The following PAM variants were observed in gnomAD, a reference collection of about 807,000 sequenced individuals.
PAM encodes the protein peptidyl-glycine alpha-amidating monooxygenase.
PAM carries 72 observed loss-of-function variants against 122.1 expected under a neutral mutation model. That is an observed-to-expected ratio of 0.59 (90% CI 0.49 to 0.72). The LOEUF is 0.72. Among genes scored for constraint, PAM ranks in the 30% least tolerant of loss-of-function variants. The pLI, the probability that PAM is intolerant of heterozygous loss-of-function variation, is 0.00. For missense variants in PAM, 1,106 were observed against 1,183.7 expected (o/e 0.93, Z 0.96); for synonymous variants, 389 against 404.4 (o/e 0.96, Z 0.46).
intron 3 of PAM, among the ~76,000 whole-genome samples, chr5:102,878,461 T>C (rs952466602): frequency 3.3e-5 from 5 of 152,188 alleles, no homozygotes; most frequent in Admixed American, 2.6e-4. Context: ...TATACTATAC[T>C]TTTTATCATT....
At chr5:102,863,880 T>G (rs1290644088) in intron 1 of PAM, among the ~76,000 whole-genome samples, 1 of 151,240 alleles carries the variant, frequency 6.6e-6, no homozygotes, top group African/African-American at 2.4e-5. Flanking sequence ...TATAAGACCT[T>G]TTGTTCTATT....
chr5:102,809,869 T>C (rs1767398749), intron 1 of PAM, among the ~76,000 whole-genome samples: 4 of 152,226 alleles, frequency 2.6e-5, no homozygotes. Flanking sequence ...ACTTCATTTC[T>C]TCACTATTTT....
chr5:102,868,298 GT>G (rs1262709008), intron 3 of PAM, among the ~76,000 whole-genome samples: 1 of 151,862 alleles, frequency 6.6e-6, no homozygotes, highest in Non-Finnish European at 1.5e-5. Flanking sequence ...TAAAGTATTC[GT>G]ATTCTACTTA....
chr5:102,784,775 C>T (rs1760042375), intron 1 of PAM, among the ~76,000 whole-genome samples: 2 of 152,158 alleles, frequency 1.3e-5, no homozygotes, highest in Non-Finnish European at 2.9e-5. Context: ...CACACAAAAT[C>T]ATTTGGGAAT....
At chr5:102,849,206 A>G (rs763034249) in intron 1 of PAM, among the ~76,000 whole-genome samples, 2 of 152,160 alleles carry the variant, frequency 1.3e-5, no homozygotes, top group Non-Finnish European at 2.9e-5. Flanking sequence ...TATAGCTAAA[A>G]TAAAGATATT....
intron 15 of PAM, among the ~76,000 whole-genome samples, chr5:102,978,676 T>G (rs1401750882): frequency 2.0e-5 from 3 of 152,150 alleles, no homozygotes; most frequent in Admixed American, 2.0e-4. Flanking sequence ...CATTTAGTTT[T>G]TTCTTCATTT....
intron 1 of PAM, among the ~76,000 whole-genome samples, chr5:102,758,205 C>A (rs1192140782): frequency 6.9e-6 from 1 of 145,932 alleles, no homozygotes; most frequent in Non-Finnish European, 1.5e-5. Context: ...TCAGTGACAT[C>A]TCTGATTCTT....
intron 1 of PAM, among the ~76,000 whole-genome samples, chr5:102,856,615 C>A (rs1237010388): frequency 1.3e-5 from 2 of 151,946 alleles, no homozygotes; most frequent in African/African-American, 4.8e-5. Context: ...TGTTATTTTC[C>A]CCGTGGAAGT....
Position 102,959,904 on chromosome 5 carries a change from T to C in PAM, c.935T>C (p.Leu312Ser). ...GGTSSDEMCN[L>S]YIMYYMEAKH... is the part of the protein sequence containing the mutation. ...ACGTCTAGTGATGAAATGTGCAACT[T>C]ATACATTATGTATTACATGGAAGCC... Residue 312 changes from leucine to serine, a missense_variant, in exon 13 of 26, where the codon TTA becomes TCA. Leu to Ser is a moderately radical substitution (Grantham distance 145, BLOSUM62 -2). Around this residue, in one of 3 missense-constraint regions of PAM, gnomAD observed 670 missense variants for 690.3 expected, o/e 0.97. Transcript: ENST00000438793. 1 of 1,612,584 alleles carries C rather than the reference T, an allele frequency of 6.2e-7. No individual in the cohort carries two copies. The highest frequency in any genetic ancestry group is 8.5e-7 in the Non-Finnish European group (1 of 1,178,918).
At chr5:102,986,077 A>G (rs1193087523) in intron 15 of PAM, among the ~76,000 whole-genome samples, 16 of 152,194 alleles carry the variant, frequency 1.1e-4, no homozygotes, top group Admixed American at 9.8e-4. Context: ...CCTAGAAGGA[A>G]TATACTTCTA....
At chr5:103,020,236 G>A (rs1783192671) in intron 23 of PAM, among the ~76,000 whole-genome samples, 1 of 152,112 alleles carries the variant, frequency 6.6e-6, no homozygotes, top group Non-Finnish European at 1.5e-5. Context: ...ATAAAGGAGT[G>A]AAAAATATCT....
At chr5:102,889,754 C>A (rs1220933872) in intron 3 of PAM, among the ~76,000 whole-genome samples, 1 of 151,842 alleles carries the variant, frequency 6.6e-6, no homozygotes, top group Non-Finnish European at 1.5e-5. Context: ...CCTCCTTAGC[C>A]CCCTTATTGG....
chr5:102,950,508 G>T (rs1344583608), intron 11 of PAM, among the ~76,000 whole-genome samples: 1 of 151,350 alleles, frequency 6.6e-6, no homozygotes, highest in Non-Finnish European at 1.5e-5. Flanking sequence ...TAAAGCATGG[G>T]GTTCTGTGAT....
At chr5:102,907,819 G>C (rs1800065819) in intron 4 of PAM, among the ~76,000 whole-genome samples, 3 of 152,158 alleles carry the variant, frequency 2.0e-5, no homozygotes, top group African/African-American at 7.2e-5. Context: ...TGATGGGGTT[G>C]TTTGTTTTTG....
At chr5:102,756,889 T>C (rs1201537092) in intron 1 of PAM, among the ~76,000 whole-genome samples, 4 of 152,244 alleles carry the variant, frequency 2.6e-5, no homozygotes, top group Admixed American at 6.5e-5. Flanking sequence ...TATAAAGATA[T>C]AGAGTATGTT....
At chr5:102,780,857 C>CTT (rs145444709) in intron 1 of PAM, among the ~76,000 whole-genome samples, 5,364 of 138,474 alleles carry the variant, frequency 0.039, 301 homozygotes, top group Non-Finnish European at 0.059. Context: ...CTCTCTCTCT[C>CTT]TCTTTCTTTC....
chr5:102,940,842 GGTGTTAGTT>G (rs1228615115), intron 7 of PAM, among the ~76,000 whole-genome samples: 2 of 151,924 alleles, frequency 1.3e-5, no homozygotes, highest in African/African-American at 4.8e-5. Context: ...TGGTTACATG[GGTGTTAGTT>G]TTTTAAGTTT....
At chr5:102,905,322 G>A (rs1799212406) in intron 4 of PAM, among the ~76,000 whole-genome samples, 1 of 151,702 alleles carries the variant, frequency 6.6e-6, no homozygotes, top group East Asian at 2.0e-4. Context: ...CTTTTCCTTA[G>A]TGAATGATGA....
chr5:102,937,995 C>G (rs992464777), intron 7 of PAM, among the ~76,000 whole-genome samples: 5 of 152,020 alleles, frequency 3.3e-5, no homozygotes, highest in Non-Finnish European at 7.4e-5. Context: ...AGAGATATTT[C>G]TAAATCAGGT....
Sources: allele counts gnomAD v4.1 joint callset (sites outside exome capture counted in the v4.1 genomes callset), GRCh38; gene constraint gnomAD v4.1.1; regional missense constraint gnomAD v4.1.1; transcripts MANE v1.5; gene names NCBI Gene and HGNC (gene_info 2026-07-23, HGNC 2026-07-21).